The following ANK2 variants were observed in gnomAD, a reference collection of about 807,000 sequenced individuals.
ANK2 encodes ankyrin 2.
In ANK2, 83 loss-of-function variants were observed where a neutral mutation model predicts 360.5. The ratio of observed to expected loss-of-function variants is 0.23; its 90% CI spans 0.19 to 0.28. ANK2 has a LOEUF of 0.28. Ranked by LOEUF, ANK2 falls within the 10% of genes least tolerant of loss-of-function variation. The probability of loss-of-function intolerance (pLI) is 1.00; values close to 1 mark genes in which losing one functional copy is unlikely to be tolerated. For missense variants in ANK2, 4,201 were observed against 4,795.7 expected (o/e 0.88, Z 3.66); for synonymous variants, 1,740 against 1,759.5 (o/e 0.99, Z 0.28).
At chr4:113,338,413 T>C (rs1030211698) in intron 31 of ANK2, among the ~76,000 whole-genome samples, 20 of 152,152 alleles carry the variant, frequency 1.3e-4, no homozygotes, top group African/African-American at 4.6e-4. Flanking sequence ...TACCTTGCAA[T>C]ATTTATTGAG....
At chr4:113,063,169 A>G (rs2074243197) in intron 1 of ANK2, among the ~76,000 whole-genome samples, 1 of 147,958 alleles carries the variant, frequency 6.8e-6, no homozygotes, top group East Asian at 1.9e-4. Flanking sequence ...TTTGAGCCAA[A>G]TATTCTCTTT....
At chr4:113,365,288 G>A in intron 41 of ANK2, 106 bp downstream of exon 41, 1 of 1,197,470 alleles carries the variant, frequency 8.4e-7, no homozygotes, top group Non-Finnish European at 1.2e-6. Context: ...TTTTTTTTCA[G>A]AAGGTAGACC....
At position 113,249,941 on chromosome 4, in the gene ANK2, G is replaced by T; in HGVS notation, c.990+79G>T. ...TATTATCTCTATTCTTTTTTAAATT[G>T]AAACATCAGGCAAGCATTTTCTAGT... On this transcript the variant is annotated intron_variant, in intron 10 of 45. Coordinates refer to ENST00000357077, the MANE Select transcript of ANK2 (RefSeq NM_001148.6). 2.3e-6 allele frequency: 3 copies of T among 1,298,978 alleles called. No individual in the cohort carries two copies. The South Asian group carries it at 3.8e-5, about 16-fold the overall frequency. 80.5% of individuals were successfully genotyped at this position (1,298,978 alleles called of 1,614,324 possible).
intron 2 of ANK2, among the ~76,000 whole-genome samples, chr4:112,952,945 T>C (rs921260718): frequency 1.3e-5 from 2 of 152,162 alleles, no homozygotes; most frequent in Non-Finnish European, 2.9e-5. Flanking sequence ...TTAGTAATGA[T>C]AATAACAGCA....
rs146425138 is a variant in ANK2, at chr4:113,278,540, C to T, written c.1863C>T (p.Ser621=). 8 of 1,613,818 alleles carry T rather than the reference C, an allele frequency of 5.0e-6. No homozygotes were observed. In the East Asian group the frequency reaches 1.3e-4, roughly 27 times the overall value. ...TGCTGTTACTGGAGAAGGGTGCTTC[C>T]CCTCATGCCACTGCCAAGGTGAGGA... ...VALLLLEKGA[S]PHATAKNGYT... is the part of the protein sequence containing the mutation. Residue 621 remains serine, a synonymous_variant, in exon 17 of 46, where the codon TCC becomes TCT. Transcript: ENST00000357077.
chr4:113,179,306 C>G (rs2098332032), intron 2 of ANK2, among the ~76,000 whole-genome samples: 1 of 152,164 alleles, frequency 6.6e-6, no homozygotes, highest in African/African-American at 2.4e-5. Context: ...TGTTGCATTT[C>G]TCAATGAAAG....
At chr4:113,270,578 AT>A (rs549334406) in intron 14 of ANK2, among the ~76,000 whole-genome samples, 4 of 151,824 alleles carry the variant, frequency 2.6e-5, no homozygotes, top group African/African-American at 9.7e-5. Context: ...TCTTTTGTTT[AT>A]TTTTTTTCTT....
In ANK2 at chr4:113,373,077, C is replaced by T; in HGVS notation, c.11611-13C>T. The T allele has an allele frequency of 1.2e-6, 2 of 1,612,102 alleles. No homozygotes were observed. Among genetic ancestry groups the T allele is most frequent in the Non-Finnish European group, 1.7e-6 (2 of 1,178,188 alleles). Reference sequence around the variant, plus strand: ...CCAAACACCACAGTGACCCTTTTCTCTCAACTGTTTAGGGAGACGATATGC... The same window carrying T: ...CCAAACACCACAGTGACCCTTTTCTTTCAACTGTTTAGGGAGACGATATGC... On this transcript the variant is annotated splice_polypyrimidine_tract_variant and intron_variant, in intron 43 of 45. Transcript: ENST00000357077.
chr4:113,077,135 T>C (rs183288625), intron 1 of ANK2, among the ~76,000 whole-genome samples: 48 of 152,224 alleles, frequency 3.2e-4, no homozygotes, highest in Admixed American at 2.7e-3. Context: ...CATAGGAACA[T>C]GGATAAACAT....
At chr4:113,096,001 C>T (rs924305524) in intron 1 of ANK2, among the ~76,000 whole-genome samples, 2 of 152,134 alleles carry the variant, frequency 1.3e-5, no homozygotes, top group Non-Finnish European at 2.9e-5. Context: ...ACCCTTCTTC[C>T]CCATGGTGCT....
chr4:113,019,494 A>T (rs1309088795), intron 2 of ANK2, among the ~76,000 whole-genome samples: 1 of 152,214 alleles, frequency 6.6e-6, no homozygotes, highest in Admixed American at 6.5e-5. Flanking sequence ...TTTGTTTTTG[A>T]CTAATAAGTA....
At chr4:112,746,714 TTAATC>T in the ANK2 span, among the ~76,000 whole-genome samples, 4 of 152,194 alleles carry the variant, frequency 2.6e-5, no homozygotes, top group Admixed American at 2.6e-4. Context: ...AGTTAACACA[TTAATC>T]TAAAGGAATG....
chr4:113,210,765 GTTATA>G (rs1336200545), intron 4 of ANK2, among the ~76,000 whole-genome samples: 1 of 152,118 alleles, frequency 6.6e-6, no homozygotes, highest in Non-Finnish European at 1.5e-5. Flanking sequence ...AGTTGCTGTT[GTTATA>G]TTTATTATTT....
At chr4:113,193,876 C>T (rs1485599094) in intron 2 of ANK2, among the ~76,000 whole-genome samples, 1 of 152,150 alleles carries the variant, frequency 6.6e-6, no homozygotes, top group East Asian at 1.9e-4. Context: ...TTTACATTTT[C>T]ATACAATTAA....
intron 2 of ANK2, among the ~76,000 whole-genome samples, chr4:113,004,431 AG>A (rs2052002267): frequency 6.6e-6 from 1 of 152,032 alleles, no homozygotes; most frequent in Admixed American, 6.6e-5. Context: ...CACCCACAGT[AG>A]CCTCGCCCTA....
In ANK2 at chr4:113,042,835, T is replaced by A. The variant is rs1205950979; in HGVS notation, c.22-131581T>A. Among the ~76,000 whole-genome samples, 3 of 152,180 alleles carry A rather than the reference T, an allele frequency of 2.0e-5. No individual in the cohort carries two copies. The East Asian group carries it at 5.8e-4, about 29-fold the overall frequency. On this transcript the variant is annotated intron_variant, in intron 2 of 30. Coordinates refer to the ANK2 transcript ENST00000503271. The stretch of plus-strand genomic sequence containing the variant: ...ATAATTTCTATTTACAGCTCAGATC[T>A]TCTCAGTTTACAAGCCACTTTCTCT...
At chr4:113,184,911 A>C (rs2098486661) in intron 2 of ANK2, among the ~76,000 whole-genome samples, 1 of 151,858 alleles carries the variant, frequency 6.6e-6, no homozygotes, top group African/African-American at 2.4e-5. Context: ...CCGTGTGCCC[A>C]TGTATTCTCA....
intron 2 of ANK2, among the ~76,000 whole-genome samples, chr4:113,020,789 G>T (rs1385545072): frequency 7.0e-6 from 1 of 142,266 alleles, no homozygotes; most frequent in African/African-American, 2.6e-5. Context: ...TCACGCCACT[G>T]CATTCCAGCC....
the ANK2 span, among the ~76,000 whole-genome samples, chr4:112,713,857 C>G: frequency 1.3e-5 from 2 of 151,498 alleles, no homozygotes; most frequent in East Asian, 2.0e-4. Flanking sequence ...TGGCGTGAAC[C>G]CGGGAGGCGG....
Sources: allele counts gnomAD v4.1 joint callset (sites outside exome capture counted in the v4.1 genomes callset), GRCh38; gene constraint gnomAD v4.1.1; transcripts MANE v1.5; gene names NCBI Gene and HGNC (gene_info 2026-07-23, HGNC 2026-07-21).